Variants in CCDC148 observed in about 807,000 individuals in gnomAD.
CCDC148 encodes coiled-coil domain-containing protein 148.
A neutral mutation model predicts 85.7 loss-of-function variants in CCDC148; 89 were observed. The observed-to-expected ratio is 1.04, with a 90% CI of 0.87 to 1.24. CCDC148 has a LOEUF of 1.24. Among genes scored for constraint, CCDC148 ranks in the 50% most tolerant of loss-of-function variants. The pLI is 0.00. For synonymous variants in CCDC148, 230 were observed against 213.9 expected (o/e 1.08, Z -0.66); for missense variants, 692 against 671.7 (o/e 1.03, Z -0.33).
intron 1 of CCDC148, among the ~76,000 whole-genome samples, chr2:158,420,422 G>C (rs1686717765): frequency 6.6e-6 from 1 of 152,094 alleles, no homozygotes; most frequent in Non-Finnish European, 1.5e-5. Flanking sequence ...AAGAGAGTGG[G>C]GGCCAATATT....
chr2:158,451,687 G>A (rs1314234934), intron 1 of CCDC148, among the ~76,000 whole-genome samples: 1 of 151,858 alleles, frequency 6.6e-6, no homozygotes, highest in African/African-American at 2.4e-5. Context: ...TTTGATATGG[G>A]AGAGTAGGGG....
At chr2:158,406,629 T>TTTTTC (rs1559124685) in intron 1 of CCDC148, among the ~76,000 whole-genome samples, 2 of 117,488 alleles carry the variant, frequency 1.7e-5, no homozygotes. Flanking sequence ...TTTTTTTTTT[T>TTTTTC]TTTTTTTTTT....
At chr2:158,313,273 G>A (rs541823726) in intron 8 of CCDC148, among the ~76,000 whole-genome samples, 1 of 152,284 alleles carries the variant, frequency 6.6e-6, no homozygotes, top group African/African-American at 2.4e-5. Flanking sequence ...CCAACTAGGA[G>A]GATCAAGCAG....
At chr2:158,284,073 C>T (rs1690490576) in intron 9 of CCDC148, among the ~76,000 whole-genome samples, 2 of 139,066 alleles carry the variant, frequency 1.4e-5, no homozygotes, top group Admixed American at 8.2e-5. Flanking sequence ...GGGAATTGAA[C>T]AATGAGAACA....
At chr2:158,424,946 G>A (rs1687005971) in intron 1 of CCDC148, 1 of 311,144 alleles carries the variant, frequency 3.2e-6, no homozygotes, top group Non-Finnish European at 6.3e-6. Context: ...ATTGGTTCTG[G>A]GAAGTGTTAA....
chr2:158,362,062 A>AAAAATC (rs1414565177), intron 1 of CCDC148, among the ~76,000 whole-genome samples: 2 of 152,090 alleles, frequency 1.3e-5, no homozygotes, highest in Non-Finnish European at 2.9e-5. Context: ...TTAAAACAAC[A>AAAAATC]AAAATCAAAA....
rs766017831 is a variant in CCDC148 at position 158,345,934 on chromosome 2, C to T, written c.148-616G>A. ...AATTTTAGTCTTTCAACTCTAAGTGCGTCTTTGTAAAAAAATTTTTTTAAT... is the reference window on the plus strand; with the variant it reads ...AATTTTAGTCTTTCAACTCTAAGTGTGTCTTTGTAAAAAAATTTTTTTAAT... On this transcript the variant is annotated intron_variant, in intron 2 of 13. Coordinates refer to ENST00000283233, the MANE Select transcript of CCDC148 (RefSeq NM_138803.4). 2.6e-5 allele frequency among the ~76,000 whole-genome samples: 4 copies of T among 152,074 alleles called. No homozygotes were observed. The East Asian group carries it at 5.8e-4, about 22-fold the overall frequency.
At chr2:158,401,181 C>A (rs1441139177) in intron 1 of CCDC148, among the ~76,000 whole-genome samples, 5 of 152,138 alleles carry the variant, frequency 3.3e-5, no homozygotes, top group African/African-American at 1.2e-4. Flanking sequence ...TACCATTTGA[C>A]CCAGCAATCC....
chr2:158,346,618 GGTACTCCAAACCGAA>G (rs1448484864), intron 2 of CCDC148, among the ~76,000 whole-genome samples: 8 of 152,142 alleles, frequency 5.3e-5, no homozygotes, highest in African/African-American at 1.9e-4. Context: ...TATACTCATG[GGTACTCCAAACCGAA>G]GTATTCCATA....
At chr2:158,234,218 T>C (rs1438898207) in intron 10 of CCDC148, among the ~76,000 whole-genome samples, 2 of 152,068 alleles carry the variant, frequency 1.3e-5, no homozygotes. Flanking sequence ...ATCCAGGGCA[T>C]TTATTATGCA....
chr2:158,342,026 CTT>C (rs1159799812), intron 3 of CCDC148, among the ~76,000 whole-genome samples: 2,613 of 62,632 alleles, frequency 0.042, 20 homozygotes, highest in Middle Eastern at 0.15. Flanking sequence ...ATTTTCTTTT[CTT>C]TTTTTTTTTT....
chr2:158,415,077 G>A (rs1318812557), intron 1 of CCDC148, among the ~76,000 whole-genome samples: 1 of 151,902 alleles, frequency 6.6e-6, no homozygotes, highest in African/African-American at 2.4e-5. Flanking sequence ...CATAATTTAA[G>A]TGTGAATTTG....
Position 158,339,080 on chromosome 2 carries a change from G to C in CCDC148, c.492C>G (p.Asp164Glu). Residue 164 changes from aspartate (D) to glutamate (E), a missense_variant, in exon 6 of 14, where the codon GAC becomes GAG. Asp to Glu is a conservative substitution (Grantham distance 45, BLOSUM62 2). Coordinates refer to ENST00000283233, the MANE Select transcript of CCDC148 (RefSeq NM_138803.4). ...FNSMKVLEEV[D>E]FVKKQLKTVF... ...CAGTTTTCAATTGTTTCTTCACAAA[G>C]TCAACCTATAGGACATTTGGAACAA... The C allele has an allele frequency of 5.0e-6, 8 of 1,611,978 alleles. No individual in the cohort carries two copies. Among genetic ancestry groups the C allele is most frequent in the Non-Finnish European group, 6.8e-6 (8 of 1,178,290 alleles).
intron 1 of CCDC148, among the ~76,000 whole-genome samples, chr2:158,416,475 G>C (rs954001753): frequency 1.3e-5 from 2 of 152,090 alleles, no homozygotes; most frequent in Non-Finnish European, 2.9e-5. Flanking sequence ...AATTTCTTCT[G>C]CCAGACACCC....
intron 1 of CCDC148, among the ~76,000 whole-genome samples, chr2:158,369,575 G>A (rs550656402): frequency 3.9e-5 from 6 of 152,254 alleles, no homozygotes; most frequent in Admixed American, 3.3e-4. Context: ...TTTGGGCTGA[G>A]ACAATGGGGT....
intron 12 of CCDC148, 164 bp from the exon 13 acceptor site, chr2:158,176,825 C>T: frequency 1.5e-6 from 1 of 672,504 alleles, no homozygotes; most frequent in East Asian, 2.9e-5. Flanking sequence ...TAGAGATCCA[C>T]AAAGGAGTTA....
At position 158,172,191 on chromosome 2, in the gene CCDC148, A is replaced by G; in HGVS notation, c.1698T>C (p.Tyr566=). The G allele has an allele frequency of 6.2e-7, 1 of 1,610,514 alleles. No individual in the cohort carries two copies. The change falls in exon 14 of 14, where the codon TAT becomes TAC. Residue 566 remains tyrosine (Y), a synonymous_variant. Transcript: ENST00000283233. ...TAATTTTTGGTAATATCTCTTTAGCATAAAGTGTTCTATGAAGTCCAGCTT... is the reference window on the plus strand; with the variant it reads ...TAATTTTTGGTAATATCTCTTTAGCGTAAAGTGTTCTATGAAGTCCAGCTT... ...LREAGLHRTL[Y]AKEILPKISP...
rs1410241594 is a variant in CCDC148 at position 158,369,151 on chromosome 2, C to T, written c.26-10581G>A. ...GTAGAAATAGTATTGTTTCACTATA[C>T]GGGCTCTTTTTTTGTTCCATATAAA... On this transcript the variant is annotated intron_variant, in intron 1 of 13. Transcript: ENST00000283233. Among the ~76,000 whole-genome samples, 4 of 151,932 alleles carry T rather than the reference C, an allele frequency of 2.6e-5. 1 individual carries two copies. The highest frequency in any genetic ancestry group is 1.5e-5 in the Non-Finnish European group (1 of 67,952).
chr2:158,357,555 T>C (rs1412383646), intron 2 of CCDC148, among the ~76,000 whole-genome samples: 1 of 152,172 alleles, frequency 6.6e-6, no homozygotes, highest in East Asian at 1.9e-4. Context: ...GTAATATAAG[T>C]GACTTTACCA....
Sources: allele counts gnomAD v4.1 joint callset (sites outside exome capture counted in the v4.1 genomes callset), GRCh38; gene constraint gnomAD v4.1.1; transcripts MANE v1.5; gene names NCBI Gene and HGNC (gene_info 2026-07-23, HGNC 2026-07-21).